SLC9A7: variants seen among roughly 807,000 people sequenced by gnomAD.
The protein encoded by SLC9A7 is sodium/hydrogen exchanger 7.
A neutral mutation model predicts 52.6 loss-of-function variants in SLC9A7; 19 were observed. The ratio of observed to expected loss-of-function variants is 0.36; its 90% confidence interval spans 0.25 to 0.53. The LOEUF (loss-of-function observed/expected upper bound fraction) is 0.53. Among genes scored for constraint, SLC9A7 ranks in the 20% least tolerant of loss-of-function variants. The probability of loss-of-function intolerance (pLI) is 0.91; values close to 1 mark genes in which losing one functional copy is unlikely to be tolerated. For missense variants in SLC9A7, 455 were observed against 597.9 expected, an observed-to-expected ratio of 0.76 and a Z score of 2.49; for synonymous variants, 226 against 252.1, an observed-to-expected ratio of 0.90 and a Z score of 0.98.
At chrX:46,676,578 C>G (rs939284673) in intron 3 of SLC9A7, among the ~76,000 whole-genome samples, 7 of 111,852 alleles carry the variant, frequency 6.3e-5, no homozygotes, top group African/African-American at 2.3e-4. Flanking sequence ...CTTTCACAAC[C>G]CATGATTTGG....
chrX:46,634,435 TGTTA>T (rs1341051065), intron 13 of SLC9A7, among the ~76,000 whole-genome samples: 1 of 111,094 alleles, frequency 9.0e-6, no homozygotes, highest in Non-Finnish European at 1.9e-5. Flanking sequence ...AAGTATTCCA[TGTTA>T]ATTAATAATT....
chrX:46,691,722 A>T (rs1944383120), intron 1 of SLC9A7, among the ~76,000 whole-genome samples: 1 of 111,480 alleles, frequency 9.0e-6, no homozygotes, highest in African/African-American at 3.3e-5. Context: ...GGCTGGAGCA[A>T]AATAGAAAAA....
At chrX:46,719,137 C>T (rs1298732605) in intron 1 of SLC9A7, among the ~76,000 whole-genome samples, 1 of 110,747 alleles carries the variant, frequency 9.0e-6, no homozygotes, top group Admixed American at 9.7e-5. Context: ...AGTTCCTATC[C>T]TTTGTAGGGA....
intron 3 of SLC9A7, among the ~76,000 whole-genome samples, chrX:46,674,589 C>G (rs979714861): frequency 9.0e-6 from 1 of 111,575 alleles, no homozygotes; most frequent in Non-Finnish European, 1.9e-5. Context: ...AAGCCACAGA[C>G]TGGAAAGCTG....
rs199873045 is a variant in SLC9A7, at chrX:46,653,595, T to C, written c.1147+14A>G. The C allele has an allele frequency of 2.5e-4, 286 of 1,163,926 alleles. No homozygotes were observed. The African/African-American group carries it at 4.3e-3, about 18-fold the overall frequency. On this transcript the variant is annotated intron_variant, in intron 8 of 16. Coordinates refer to ENST00000616978, the MANE Select transcript of SLC9A7 (RefSeq NM_001257291.2). ...AGTGAGGGGAAGGGTGGTCCAAGAG[T>C]AGAAAAAACCTACCTGTAAATCCGC...
At chrX:46,753,386 A>T (rs1198626432) in intron 1 of SLC9A7, among the ~76,000 whole-genome samples, 2 of 112,166 alleles carry the variant, frequency 1.8e-5, no homozygotes, top group Non-Finnish European at 3.8e-5. Flanking sequence ...ATGTTTGTGT[A>T]TATACAGTAT....
At chrX:46,718,179 G>A (rs1459852137) in intron 1 of SLC9A7, among the ~76,000 whole-genome samples, 3 of 111,343 alleles carry the variant, frequency 2.7e-5, no homozygotes, top group Non-Finnish European at 5.7e-5. Flanking sequence ...CAAACCTGAC[G>A]AAAACAAGAA....
intron 1 of SLC9A7, among the ~76,000 whole-genome samples, chrX:46,738,045 AAG>A (rs1288421293): frequency 9.7e-5 from 3 of 30,933 alleles, no homozygotes; most frequent in Non-Finnish European, 2.8e-4. Context: ...GAAAGAAAGA[AAG>A]AAAGAAAGAA....
intron 13 of SLC9A7, among the ~76,000 whole-genome samples, chrX:46,634,589 C>T (rs1293880957): frequency 9.0e-6 from 1 of 111,721 alleles, no homozygotes; most frequent in African/African-American, 3.3e-5. Flanking sequence ...TTACACTTTG[C>T]CTGAAGGACT....
intron 3 of SLC9A7, among the ~76,000 whole-genome samples, chrX:46,674,780 TTCC>T (rs1944083078): frequency 8.9e-6 from 1 of 111,833 alleles, no homozygotes; most frequent in Admixed American, 9.5e-5. Flanking sequence ...TCCCTTACTT[TTCC>T]TCCTCAATTA....
chrX:46,645,170 T>C (rs768523903), intron 11 of SLC9A7, among the ~76,000 whole-genome samples: 2 of 112,570 alleles, frequency 1.8e-5, no homozygotes, highest in South Asian at 3.7e-4. Flanking sequence ...TAAACAGCAC[T>C]GTGCACTTCT....
At chrX:46,683,222 G>C (rs779079480) in intron 1 of SLC9A7, among the ~76,000 whole-genome samples, 2 of 110,022 alleles carry the variant, frequency 1.8e-5, no homozygotes, top group African/African-American at 6.6e-5. Context: ...GCACAAAGCA[G>C]AACTGCTGAG....
At chrX:46,671,427 A>AT (rs567014139) in intron 4 of SLC9A7, among the ~76,000 whole-genome samples, 4,051 of 99,116 alleles carry the variant, frequency 0.041, 160 homozygotes, top group East Asian at 0.18. Context: ...CTCCCGGCTA[A>AT]TTTTTTTTTT....
rs913695440 is a variant in SLC9A7 at position 46,601,852 on chromosome X, G to A, written c.*5100C>T. The A allele has an allele frequency of 1.8e-5, 2 of 112,041 alleles. No individual in the cohort carries two copies. The highest frequency in any genetic ancestry group is 3.8e-5 in the Non-Finnish European group (2 of 53,218). The allele number at this position is 112,041 out of a possible 1,213,427, so 9.2% of individuals were successfully genotyped here. On this transcript the variant is annotated 3_prime_UTR_variant, in exon 17 of 17. Coordinates refer to ENST00000616978, the MANE Select transcript of SLC9A7 (RefSeq NM_001257291.2). ...CTCTGTCAGGGCTATACAAAAGTGT[G>A]CATCTCCTTAATTACCTGCTACGGA...
At chrX:46,649,079 T>TATCTATCTATCTATCTATCC (rs1358722154) in intron 10 of SLC9A7, among the ~76,000 whole-genome samples, 1 of 110,643 alleles carries the variant, frequency 9.0e-6, no homozygotes, top group Non-Finnish European at 1.9e-5. Context: ...GATATCTATC[T>TATCTATCTATCTATCTATCC]ATCTATCTAT....
chrX:46,693,002 A>G (rs1944401699), intron 1 of SLC9A7, among the ~76,000 whole-genome samples: 1 of 111,272 alleles, frequency 9.0e-6, no homozygotes, highest in Admixed American at 9.6e-5. Context: ...GTATGAAAAA[A>G]TCCAAATTGT....
At chrX:46,750,710 G>A (rs902133421) in intron 1 of SLC9A7, among the ~76,000 whole-genome samples, 7 of 112,076 alleles carry the variant, frequency 6.2e-5, no homozygotes, top group South Asian at 3.7e-4. Flanking sequence ...TACTTAACAC[G>A]GTGACAGACT....
chrX:46,681,549 T>C (rs909709115), intron 2 of SLC9A7, among the ~76,000 whole-genome samples: 1 of 112,269 alleles, frequency 8.9e-6, no homozygotes, highest in Non-Finnish European at 1.9e-5. Flanking sequence ...GGCTACACTC[T>C]GCCTTTCACT....
intron 10 of SLC9A7, among the ~76,000 whole-genome samples, chrX:46,649,052 C>A (rs2146772637): frequency 1.2e-5 from 1 of 86,122 alleles, no homozygotes; most frequent in East Asian, 3.3e-4. Context: ...ATTGTAACTT[C>A]TTGATTTAAT....
Sources: allele counts gnomAD v4.1 joint callset (sites outside exome capture counted in the v4.1 genomes callset), GRCh38; gene constraint gnomAD v4.1.1; transcripts MANE v1.5; gene names NCBI Gene and HGNC (gene_info 2026-07-23, HGNC 2026-07-21).